ANKFN1: variants seen among roughly 807,000 people sequenced by gnomAD.
ANKFN1 encodes the protein ankyrin repeat and fibronectin type III domain containing 1.
Under a neutral mutation model 108.7 loss-of-function variants are expected in ANKFN1, and 74 were observed. The observed-to-expected ratio is 0.68, with a 90% confidence interval of 0.56 to 0.83. The LOEUF (loss-of-function observed/expected upper bound fraction) is 0.83, where lower values mean the gene tolerates loss of function less well. Ranked by LOEUF, ANKFN1 falls within the 40% of genes least tolerant of loss-of-function variation. ANKFN1 has a pLI of 0.00. For missense variants in ANKFN1, 1,505 were observed against 1,382.3 expected, an observed-to-expected ratio of 1.09 and a Z score of -1.41; for synonymous variants, 547 against 516.2, an observed-to-expected ratio of 1.06 and a Z score of -0.81.
Position 56,508,726 on chromosome 17 carries a change from C to T in ANKFN1, c.2645-1747C>T, listed in dbSNP as rs146058562. Among the ~76,000 whole-genome samples, 628 of 152,332 alleles carry T rather than the reference C, an allele frequency of 4.1e-3. 4 individuals are homozygous for T. The highest frequency in any genetic ancestry group is 0.014 in the African/African-American group (591 of 41,572). On this transcript the variant is annotated intron_variant, in intron 20 of 20. Transcript: ENST00000682825. The stretch of plus-strand genomic sequence containing the variant: ...ATAATCCCTCTTTCCTATATACCTA[C>T]ACTTATTTGCTGAACTTCTCTTATA...
chr17:56,301,186 C>A (rs1395102613), intron 3 of ANKFN1, among the ~76,000 whole-genome samples: 1 of 152,188 alleles, frequency 6.6e-6, no homozygotes, highest in Non-Finnish European at 1.5e-5. Context: ...ATTTGTACCA[C>A]CTCTCAGCCA....
At chr17:56,481,906 A>G (rs2050718626) in intron 17 of ANKFN1, among the ~76,000 whole-genome samples, 2 of 151,598 alleles carry the variant, frequency 1.3e-5, no homozygotes, top group African/African-American at 2.4e-5. Context: ...CTACATATAC[A>G]TGTTGGGAGA....
intron 3 of ANKFN1, among the ~76,000 whole-genome samples, chr17:56,251,604 G>T (rs1439198226): frequency 2.6e-5 from 4 of 152,112 alleles, no homozygotes; most frequent in African/African-American, 9.7e-5. Context: ...TGTCCCCATT[G>T]TCCAAGGTTC....
Position 56,457,142 on chromosome 17 carries a change from T to C in ANKFN1, c.1308-115T>C, listed in dbSNP as rs912182332. 245 of 1,170,030 alleles carry C rather than the reference T, an allele frequency of 2.1e-4. 2 individuals carry two copies. Among genetic ancestry groups the C allele is most frequent in the Non-Finnish European group, 2.4e-4 (198 of 832,160 alleles). The allele number at this position is 1,170,030 out of a possible 1,614,324, so 72.5% of individuals were successfully genotyped here. The stretch of plus-strand genomic sequence containing the variant: ...TGAGTTGTAACTAGTGAACTTATGA[T>C]ACTTAGCAGGAATACGTTCCTAGGT... On this transcript the variant is annotated intron_variant, in intron 12 of 20. Transcript: ENST00000682825.
intron 4 of ANKFN1, among the ~76,000 whole-genome samples, chr17:56,090,911 C>T (rs529537859): frequency 7.3e-5 from 11 of 151,234 alleles, no homozygotes; most frequent in South Asian, 4.2e-4. Flanking sequence ...CCTGGCTAGG[C>T]GTTTGCTTTA....
chr17:56,321,209 C>T (rs926720915), intron 3 of ANKFN1, among the ~76,000 whole-genome samples: 11 of 151,976 alleles, frequency 7.2e-5, no homozygotes, highest in African/African-American at 2.7e-4. Context: ...ACATAATAAG[C>T]ATATTCAGAT....
At chr17:56,185,212 T>A (rs1184274574) in intron 1 of ANKFN1, among the ~76,000 whole-genome samples, 3 of 152,270 alleles carry the variant, frequency 2.0e-5, no homozygotes, top group East Asian at 3.9e-4. Context: ...CACTAGATTG[T>A]GAGTTCACTC....
chr17:56,235,256 C>G (rs1019444841), intron 3 of ANKFN1, among the ~76,000 whole-genome samples: 3 of 152,024 alleles, frequency 2.0e-5, no homozygotes, highest in African/African-American at 7.2e-5. Context: ...GATATTAGAC[C>G]TTTGCGAGAT....
intron 5 of ANKFN1, 138 bp from the exon 6 acceptor site, chr17:56,353,698 A>C: frequency 1.4e-6 from 1 of 708,264 alleles, no homozygotes; most frequent in Non-Finnish European, 2.4e-6. Flanking sequence ...TACTTTGGAG[A>C]CCTTGGGATA....
intron 1 of ANKFN1, among the ~76,000 whole-genome samples, chr17:56,182,775 A>G (rs1392920956): frequency 6.6e-6 from 1 of 152,206 alleles, no homozygotes; most frequent in African/African-American, 2.4e-5. Context: ...ATTTTTAGCT[A>G]GAGAATAGAA....
intron 3 of ANKFN1, among the ~76,000 whole-genome samples, chr17:56,309,238 A>G (rs2044936838): frequency 6.6e-6 from 1 of 152,192 alleles, no homozygotes; most frequent in Non-Finnish European, 1.5e-5. Flanking sequence ...TAATGGTTAA[A>G]AGACAGTTAA....
At chr17:56,385,990 T>C (rs2144844957) in intron 8 of ANKFN1, among the ~76,000 whole-genome samples, 1 of 152,296 alleles carries the variant, frequency 6.6e-6, no homozygotes, top group African/African-American at 2.4e-5. Flanking sequence ...CAAAGGACTA[T>C]AAATCATGCT....
At chr17:56,195,755 G>A (rs1003503483) in intron 1 of ANKFN1, among the ~76,000 whole-genome samples, 15 of 152,210 alleles carry the variant, frequency 9.9e-5, no homozygotes, top group South Asian at 2.1e-4. Context: ...TTTGCTCTGC[G>A]AGTTCCTACA....
At chr17:56,338,966 A>G (rs1478410261) in intron 4 of ANKFN1, among the ~76,000 whole-genome samples, 1 of 152,096 alleles carries the variant, frequency 6.6e-6, no homozygotes, top group African/African-American at 2.4e-5. Flanking sequence ...CTTACTCTCC[A>G]ATTTCCAGCC....
chr17:56,151,912 T>C (rs1908646842), upstream of ANKFN1, among the ~76,000 whole-genome samples: 1 of 152,168 alleles, frequency 6.6e-6, no homozygotes, highest in African/African-American at 2.4e-5. Context: ...CACTCACAAA[T>C]TGACTCATTG....
intron 18 of ANKFN1, among the ~76,000 whole-genome samples, chr17:56,490,560 T>G (rs1280459398): frequency 6.6e-6 from 1 of 152,056 alleles, no homozygotes; most frequent in African/African-American, 2.4e-5. Context: ...TATGGAGAGA[T>G]GTTTGGATTT....
chr17:56,195,117 T>G lies in ANKFN1; in HGVS notation c.-70-17481T>G, dbSNP rs1020773511. On this transcript the variant is annotated intron_variant, in intron 1 of 20. Transcript: ENST00000682825. ...ATATTTGATCAACCTATTTGAACAG[T>G]TCACCCTAAGAGCATTAATATTCCT... is the stretch of plus-strand genomic sequence containing the variant. Among the ~76,000 whole-genome samples the G allele has an allele frequency of 2.6e-5, 4 of 152,312 alleles. No individual in the cohort carries two copies. The East Asian group carries it at 7.7e-4, about 29-fold the overall frequency.
At chr17:56,437,970 G>C (rs572111314) in intron 8 of ANKFN1, among the ~76,000 whole-genome samples, 112 of 126,856 alleles carry the variant, frequency 8.8e-4, no homozygotes, top group African/African-American at 2.9e-3. Context: ...CTAATCTACT[G>C]TAGGTGTGTG....
At chr17:56,154,156 T>C (rs1908863501) in intron 1 of ANKFN1, among the ~76,000 whole-genome samples, 1 of 152,114 alleles carries the variant, frequency 6.6e-6, no homozygotes. Flanking sequence ...CTGACCCAGA[T>C]TGGTCCAGAA....
Sources: gnomAD v4.1 joint callset for allele counts (sites outside exome capture counted in the v4.1 genomes callset) on GRCh38, gnomAD v4.1.1 for gene constraint, MANE v1.5 for transcripts, NCBI Gene and HGNC (gene_info 2026-07-23, HGNC 2026-07-21) for gene names.